NR5A2: variants seen among roughly 807,000 people sequenced by gnomAD.
NR5A2 encodes nuclear receptor subfamily 5 group A member 2.
NR5A2 carries 26 observed loss-of-function variants against 62.7 expected under a neutral mutation model. The ratio of observed to expected loss-of-function variants is 0.41; its 90% CI spans 0.30 to 0.58. The LOEUF is 0.58. Ranked by LOEUF, NR5A2 falls within the 20% of genes least tolerant of loss-of-function variation. NR5A2 has a pLI of 0.22. For synonymous variants in NR5A2, 246 were observed against 241.7 expected (o/e 1.02, Z -0.16); for missense variants, 541 against 669.1 (o/e 0.81, Z 2.11).
intron 5 of NR5A2, among the ~76,000 whole-genome samples, chr1:200,095,903 C>T (rs1665075072): frequency 6.6e-6 from 1 of 151,966 alleles, no homozygotes; most frequent in African/African-American, 2.4e-5. Flanking sequence ...TCTAATGAGA[C>T]ATAAAGAAAT....
chr1:200,029,150 C>T (rs1661455328), intron 1 of NR5A2: 3 of 418,610 alleles, frequency 7.2e-6, no homozygotes, highest in Admixed American at 5.3e-5. Flanking sequence ...CCGGCAGCTC[C>T]GCGCAGCTCC....
intron 5 of NR5A2, among the ~76,000 whole-genome samples, chr1:200,056,294 C>G (rs940465280): frequency 6.6e-6 from 1 of 152,172 alleles, no homozygotes; most frequent in East Asian, 1.9e-4. Flanking sequence ...GTGGAACATG[C>G]CCACTTACTG....
At chr1:200,154,958 G>A (rs1271361358) in intron 7 of NR5A2, among the ~76,000 whole-genome samples, 2 of 152,172 alleles carry the variant, frequency 1.3e-5, no homozygotes, top group East Asian at 3.9e-4. Context: ...CTCCAAGGAG[G>A]GGTGGTTCCC....
At chr1:200,155,363 A>T (rs559674991) in intron 7 of NR5A2, among the ~76,000 whole-genome samples, 16 of 152,342 alleles carry the variant, frequency 1.1e-4, no homozygotes, top group Non-Finnish European at 1.8e-4. Flanking sequence ...AAATGAAGCA[A>T]CTCTATAATT....
Position 200,051,526 on chromosome 1 carries a change from G to A in NR5A2, c.1110+2708G>A, listed in dbSNP as rs553277642. ...CATTTATCAGTCTTTCATAGAATACGAAAAAAGGAAAAGGGAAAAAAGTAC... is the reference window on the plus strand; with the variant it reads ...CATTTATCAGTCTTTCATAGAATACAAAAAAAGGAAAAGGGAAAAAAGTAC... On this transcript the variant is annotated intron_variant, in intron 5 of 7. Coordinates refer to ENST00000367362, the MANE Select transcript of NR5A2 (RefSeq NM_205860.3). Among the ~76,000 whole-genome samples the A allele has an allele frequency of 1.8e-4, 28 of 152,144 alleles. 1 individual carries two copies. The South Asian group carries it at 4.6e-3, about 25-fold the overall frequency.
At chr1:200,082,032 T>C (rs1193405824) in intron 5 of NR5A2, among the ~76,000 whole-genome samples, 1 of 152,196 alleles carries the variant, frequency 6.6e-6, no homozygotes, top group East Asian at 1.9e-4. Context: ...TGGTTGCATC[T>C]ATTTCTGGTT....
At chr1:200,121,857 G>A (rs2816969) in intron 7 of NR5A2, among the ~76,000 whole-genome samples, 134,673 of 152,230 alleles carry the variant, frequency 0.88, 59,595 homozygotes, top group East Asian at 0.97. Context: ...TCATATTCTA[G>A]GGAATAAAAC....
At chr1:200,046,241 G>A (rs547593061) in intron 4 of NR5A2, among the ~76,000 whole-genome samples, 1 of 152,282 alleles carries the variant, frequency 6.6e-6, no homozygotes, top group Middle Eastern at 3.4e-3. Context: ...AGTGGCTCCT[G>A]AAAAGCCACA....
Position 200,140,628 on chromosome 1 carries a change from T to A in NR5A2, c.1378+19673T>A, listed in dbSNP as rs181360116. Reference sequence around the variant, plus strand: ...TCCCTTTAAACTTTTAAATTTGAGATCATTTTAAATCTACAGGAAGTTGGA... The same window carrying A: ...TCCCTTTAAACTTTTAAATTTGAGAACATTTTAAATCTACAGGAAGTTGGA... On this transcript the variant is annotated intron_variant, in intron 7 of 7. Coordinates refer to ENST00000367362, the MANE Select transcript of NR5A2 (RefSeq NM_205860.3). Among the ~76,000 whole-genome samples the A allele has an allele frequency of 3.4e-4, 52 of 152,314 alleles. 1 individual carries two copies. The highest frequency in any genetic ancestry group is 1.2e-3 in the African/African-American group (51 of 41,582).
chr1:200,114,925 A>G (rs1467356079), intron 6 of NR5A2, among the ~76,000 whole-genome samples: 1 of 152,208 alleles, frequency 6.6e-6, no homozygotes, highest in Non-Finnish European at 1.5e-5. Context: ...GCTTGCCTTC[A>G]CGCCGGCATT....
Position 200,133,534 on chromosome 1 carries a change from CAT to C in NR5A2, c.1378+12591_1378+12592del, listed in dbSNP as rs748974260. Reference sequence around the variant, plus strand: ...ATATATATATATATATATACACACACATATATATATATACACATATATACACA... The same window carrying C: ...ATATATATATATATATATACACACACATATATATATACACATATATACACA... On this transcript the variant is annotated intron_variant, in intron 7 of 7. Coordinates refer to ENST00000367362, the MANE Select transcript of NR5A2 (RefSeq NM_205860.3). Among the ~76,000 whole-genome samples the C allele has an allele frequency of 3.3e-3, 424 of 126,866 alleles. 2 individuals carry two copies. Among genetic ancestry groups the C allele is most frequent in the African/African-American group, 0.012 (349 of 30,136 alleles). The allele number at this position is 126,866 out of a possible 152,430, so 83.2% of individuals were successfully genotyped here.
At chr1:200,161,872 G>T (rs1266124775) in intron 7 of NR5A2, among the ~76,000 whole-genome samples, 2 of 152,166 alleles carry the variant, frequency 1.3e-5, no homozygotes, top group Non-Finnish European at 2.9e-5. Context: ...TAAATGCATT[G>T]GTTGTCTTTT....
chr1:200,054,070 T>C (rs1347566689), intron 5 of NR5A2: 2 of 152,150 alleles, frequency 1.3e-5, no homozygotes, highest in African/African-American at 4.8e-5. Context: ...GGAGCTCACT[T>C]TGGCAGCATA....
chr1:200,117,243 C>T (rs1375920574), intron 6 of NR5A2, among the ~76,000 whole-genome samples: 1 of 152,254 alleles, frequency 6.6e-6, no homozygotes, highest in East Asian at 1.9e-4. Context: ...CTGCATTCAA[C>T]AATGAAAATA....
intron 7 of NR5A2, among the ~76,000 whole-genome samples, chr1:200,136,109 A>G (rs1201234472): frequency 6.6e-6 from 1 of 152,206 alleles, no homozygotes; most frequent in Non-Finnish European, 1.5e-5. Context: ...ATAATAAACA[A>G]TTAGGCCTCT....
intron 2 of NR5A2, chr1:200,043,062 TC>T: frequency 2.1e-6 from 2 of 942,370 alleles, no homozygotes; most frequent in African/African-American, 3.5e-5. Flanking sequence ...CTTTTACTCT[TC>T]TGGTATTTTT....
chr1:200,141,776 T>C (rs1667450543), intron 7 of NR5A2, among the ~76,000 whole-genome samples: 1 of 152,208 alleles, frequency 6.6e-6, no homozygotes, highest in South Asian at 2.1e-4. Flanking sequence ...ATAGTTTAGG[T>C]GAATATAAAA....
At chr1:200,052,905 T>C (rs186225101) in intron 5 of NR5A2, among the ~76,000 whole-genome samples, 1 of 152,128 alleles carries the variant, frequency 6.6e-6, no homozygotes, top group Non-Finnish European at 1.5e-5. Context: ...CTCCCAAAGT[T>C]CTGGGATTAT....
intron 7 of NR5A2, among the ~76,000 whole-genome samples, chr1:200,146,906 A>G (rs1032700833): frequency 6.6e-6 from 1 of 152,186 alleles, no homozygotes; most frequent in Admixed American, 6.5e-5. Context: ...GTAAGGATAC[A>G]TAAGGATAGA....
Sources: allele counts gnomAD v4.1 joint callset (sites outside exome capture counted in the v4.1 genomes callset), GRCh38; gene constraint gnomAD v4.1.1; transcripts MANE v1.5; gene names NCBI Gene and HGNC (gene_info 2026-07-23, HGNC 2026-07-21).